The following BNC2 variants were observed in gnomAD, a reference collection of about 807,000 sequenced individuals.
The protein encoded by BNC2 is zinc finger protein basonuclin-2.
In BNC2, 20 loss-of-function variants were observed where a neutral mutation model predicts 76.3. That is an observed-to-expected ratio of 0.26 (90% CI 0.18 to 0.38). The LOEUF (loss-of-function observed/expected upper bound fraction) is 0.38, where lower values mean the gene tolerates loss of function less well. BNC2 is among the 10% of genes least tolerant of loss of function. The probability of loss-of-function intolerance (pLI) is 1.00; values close to 1 mark genes in which losing one functional copy is unlikely to be tolerated. For missense variants in BNC2, 1,382 were observed against 1,399.8 expected (o/e 0.99, Z 0.20); for synonymous variants, 582 against 514.8 (o/e 1.13, Z -1.77).
At chr9:16,633,697 C>T (rs374330390) in intron 3 of BNC2, among the ~76,000 whole-genome samples, 7 of 152,116 alleles carry the variant, frequency 4.6e-5, no homozygotes, top group East Asian at 3.9e-4. Context: ...TACAGTATAT[C>T]GTAACATCGT....
chr9:16,569,183 T>A (rs1819249253), intron 4 of BNC2, among the ~76,000 whole-genome samples: 1 of 151,828 alleles, frequency 6.6e-6, no homozygotes, highest in Admixed American at 6.6e-5. Flanking sequence ...CCTCTACAAA[T>A]CCTCATTACA....
intron 2 of BNC2, among the ~76,000 whole-genome samples, chr9:16,728,760 A>AC (rs1365772008): frequency 2.0e-5 from 3 of 152,194 alleles, no homozygotes; most frequent in Non-Finnish European, 4.4e-5. Context: ...TAGAAGATGC[A>AC]CAATAAACAT....
chr9:16,419,359 G>C lies in BNC2; in HGVS notation c.2930C>G (p.Ser977Cys). The C allele has an allele frequency of 6.2e-7, 1 of 1,609,176 alleles. No homozygotes were observed. The highest frequency in any genetic ancestry group is 1.1e-5 in the South Asian group (1 of 90,454). Residue 977 changes from serine to cysteine, a missense_variant, in exon 7 of 7, where the codon TCC becomes TGC. Physicochemically the swap from Ser to Cys is moderately radical, Grantham distance 112. Transcript: ENST00000380672. ...ATCGCTGCCTGCGTCGGATTCTCTGGAGGAATGGATACTGCTGCTGGACTG... is the reference window on the plus strand; with the variant it reads ...ATCGCTGCCTGCGTCGGATTCTCTGCAGGAATGGATACTGCTGCTGGACTG... ...SLQSSSSIHS[S>C]RESDAGSDEG...
intron 5 of BNC2, among the ~76,000 whole-genome samples, chr9:16,439,267 A>G (rs1821079935): frequency 6.6e-6 from 1 of 152,078 alleles, no homozygotes; most frequent in South Asian, 2.1e-4. Flanking sequence ...AAATTTTACA[A>G]CCTCAACTCA....
intron 3 of BNC2, among the ~76,000 whole-genome samples, chr9:16,617,854 C>T (rs1263659525): frequency 6.6e-6 from 1 of 152,176 alleles, no homozygotes; most frequent in Non-Finnish European, 1.5e-5. Flanking sequence ...AACTTGGGTG[C>T]CCAGACACTT....
At chr9:16,807,624 G>A (rs1817945212) in intron 1 of BNC2, among the ~76,000 whole-genome samples, 1 of 152,110 alleles carries the variant, frequency 6.6e-6, no homozygotes, top group African/African-American at 2.4e-5. Flanking sequence ...CACTATCTGT[G>A]GGAAGGAAGT....
intron 5 of BNC2, among the ~76,000 whole-genome samples, chr9:16,472,266 C>A (rs1821842265): frequency 6.6e-6 from 1 of 152,170 alleles, no homozygotes; most frequent in African/African-American, 2.4e-5. Context: ...TTCTCCTTCC[C>A]CTCTCACTTC....
At chr9:16,516,417 G>C (rs1018895702) in intron 5 of BNC2, among the ~76,000 whole-genome samples, 8 of 151,570 alleles carry the variant, frequency 5.3e-5, no homozygotes, top group African/African-American at 1.5e-4. Context: ...CGAGTTTACA[G>C]TGGATAACAG....
chr9:16,770,652 ATTT>A lies in BNC2; in HGVS notation c.4-32170_4-32168del, dbSNP rs58805474. Among the ~76,000 whole-genome samples the A allele has an allele frequency of 2.7e-5, 4 of 149,244 alleles. No individual in the cohort carries two copies. The South Asian group carries it at 8.5e-4, about 32-fold the overall frequency. On this transcript the variant is annotated intron_variant, in intron 1 of 6. Transcript: ENST00000380672. ...AACCCTACCCTCAAGTCATTCAAGA[ATTT>A]TTTTTTTTTTTCCAGCATGGGCAAC... is the stretch of plus-strand genomic sequence containing the variant.
At chr9:16,431,474 A>G in intron 6 of BNC2, 1 of 470,390 alleles carries the variant, frequency 2.1e-6, no homozygotes, top group South Asian at 1.6e-5. Context: ...CAGGCCGGTT[A>G]GAATTTCCTC....
intron 3 of BNC2, among the ~76,000 whole-genome samples, chr9:16,609,795 C>T (rs1322575394): frequency 6.6e-6 from 1 of 152,084 alleles, no homozygotes; most frequent in Non-Finnish European, 1.5e-5. Context: ...TTGCTCTTCC[C>T]CCTTGTCTCC....
At chr9:16,430,072 C>A (rs1442583505) in intron 6 of BNC2, 8 of 463,628 alleles carry the variant, frequency 1.7e-5, no homozygotes, top group Non-Finnish European at 3.0e-5. Context: ...GAGGAGGGCA[C>A]AACTAGCAAT....
At chr9:16,599,446 C>T (rs780236118) in intron 3 of BNC2, among the ~76,000 whole-genome samples, 1 of 152,198 alleles carries the variant, frequency 6.6e-6, no homozygotes, top group South Asian at 2.1e-4. Context: ...CTAACACCTT[C>T]TTCAAATGAA....
intron 5 of BNC2, among the ~76,000 whole-genome samples, chr9:16,502,531 A>G (rs910628884): frequency 7.3e-5 from 11 of 151,516 alleles, no homozygotes; most frequent in South Asian, 4.2e-4. Context: ...ACATTTCCAC[A>G]CTGTTTTGTT....
At chr9:16,537,355 A>G (rs1818162520) in intron 5 of BNC2, among the ~76,000 whole-genome samples, 1 of 152,134 alleles carries the variant, frequency 6.6e-6, no homozygotes, top group African/African-American at 2.4e-5. Flanking sequence ...ATCTTTTAAA[A>G]GTATTCTTAA....
chr9:16,711,179 A>C (rs1474048874), intron 3 of BNC2, among the ~76,000 whole-genome samples: 1 of 152,222 alleles, frequency 6.6e-6, no homozygotes, highest in Non-Finnish European at 1.5e-5. Flanking sequence ...CGCAAGAGCA[A>C]AGAATCCTGT....
At chr9:16,851,841 TCA>T (rs1229222185) in intron 1 of BNC2, among the ~76,000 whole-genome samples, 2 of 152,098 alleles carry the variant, frequency 1.3e-5, no homozygotes, top group Non-Finnish European at 2.9e-5. Flanking sequence ...CTGAAAGAGC[TCA>T]CATACTTCTC....
chr9:16,517,545 T>G (rs561109803), intron 5 of BNC2, among the ~76,000 whole-genome samples: 2 of 152,196 alleles, frequency 1.3e-5, no homozygotes, highest in South Asian at 2.1e-4. Context: ...ATGCTGTAAT[T>G]TACCTGACAA....
intron 1 of BNC2, among the ~76,000 whole-genome samples, chr9:16,864,662 T>C (rs971463653): frequency 6.6e-6 from 1 of 152,182 alleles, no homozygotes; most frequent in East Asian, 1.9e-4. Context: ...CATATCAACA[T>C]GTGGCACATG....
Sources: gnomAD v4.1 joint callset for allele counts (sites outside exome capture counted in the v4.1 genomes callset) on GRCh38, gnomAD v4.1.1 for gene constraint, MANE v1.5 for transcripts, NCBI Gene and HGNC (gene_info 2026-07-23, HGNC 2026-07-21) for gene names.